Variants in GALNT7 observed in about 807,000 individuals in gnomAD.
GALNT7 encodes the protein N-acetylgalactosaminyltransferase 7.
GALNT7 carries 60 observed loss-of-function variants against 82.1 expected under a neutral mutation model. The ratio of observed to expected loss-of-function variants is 0.73; its 90% CI spans 0.59 to 0.91. The LOEUF (loss-of-function observed/expected upper bound fraction) is 0.91. Ranked by LOEUF, GALNT7 falls within the 40% of genes least tolerant of loss-of-function variation. The pLI is 0.00. For missense variants in GALNT7, 660 were observed against 804.2 expected, an observed-to-expected ratio of 0.82 and a Z score of 2.17; for synonymous variants, 243 against 275.1, an observed-to-expected ratio of 0.88 and a Z score of 1.15.
chr4:173,323,805 T>G lies in GALNT7; in HGVS notation c.*2088T>G, dbSNP rs1175232245. The G allele has an allele frequency of 6.6e-6, 1 of 152,638 alleles. No homozygotes were observed. Among genetic ancestry groups the G allele is most frequent in the Non-Finnish European group, 1.5e-5 (1 of 68,004 alleles). The allele number at this position is 152,638 out of a possible 1,614,324, so 9.5% of individuals were successfully genotyped here. On this transcript the variant is annotated 3_prime_UTR_variant, in exon 12 of 12. Coordinates refer to ENST00000265000, the MANE Select transcript of GALNT7 (RefSeq NM_017423.3). ...ATATCACTATGCATTTCTACACATT[T>G]TATAAATTTGATTTATGCAGATTTT...
rs1014256844 is a variant in GALNT7, at chr4:173,237,809, G to A, written c.127-10171G>A. Among the ~76,000 whole-genome samples the A allele has an allele frequency of 4.0e-5, 6 of 151,732 alleles. No individual in the cohort carries two copies. The South Asian group carries it at 8.3e-4, about 21-fold the overall frequency. ...GTGTGGTCTCCAGGGATTGATATTC[G>A]GAATGCTATTTTAAAATATTTTAAA... On this transcript the variant is annotated intron_variant, in intron 1 of 11. Transcript: ENST00000265000.
At chr4:173,219,337 T>G (rs553512854) in intron 1 of GALNT7, among the ~76,000 whole-genome samples, 2 of 152,264 alleles carry the variant, frequency 1.3e-5, no homozygotes, top group South Asian at 4.1e-4. Context: ...TTCCATGGTG[T>G]GTGTGTGTGT....
chr4:173,243,527 A>G (rs1445490232), intron 1 of GALNT7, among the ~76,000 whole-genome samples: 1 of 152,208 alleles, frequency 6.6e-6, no homozygotes, highest in Non-Finnish European at 1.5e-5. Flanking sequence ...ACTGATTCTC[A>G]TTCACTCTCA....
At chr4:173,243,174 T>C (rs1180459861) in intron 1 of GALNT7, among the ~76,000 whole-genome samples, 5 of 152,230 alleles carry the variant, frequency 3.3e-5, no homozygotes, top group Admixed American at 3.3e-4. Context: ...AAAGACCATT[T>C]TTCTAAATCC....
At chr4:173,197,518 A>G (rs1732814615) in intron 1 of GALNT7, among the ~76,000 whole-genome samples, 1 of 152,234 alleles carries the variant, frequency 6.6e-6, no homozygotes, top group African/African-American at 2.4e-5. Context: ...TGGTTATACT[A>G]TTGGTAATCA....
chr4:173,250,862 T>C (rs1734822648), intron 2 of GALNT7, among the ~76,000 whole-genome samples: 1 of 152,154 alleles, frequency 6.6e-6, no homozygotes, highest in African/African-American at 2.4e-5. Context: ...CCCTCCTCCA[T>C]GAATGCTTGT....
intron 1 of GALNT7, among the ~76,000 whole-genome samples, chr4:173,222,353 A>G (rs988225407): frequency 6.6e-6 from 1 of 152,070 alleles, no homozygotes; most frequent in Non-Finnish European, 1.5e-5. Flanking sequence ...GCTCACTGCA[A>G]CCTCTACCTC....
At chr4:173,194,046 A>C (rs1275708735) in intron 1 of GALNT7, among the ~76,000 whole-genome samples, 1 of 152,190 alleles carries the variant, frequency 6.6e-6, no homozygotes, top group African/African-American at 2.4e-5. Context: ...CCTATTTGTA[A>C]ATGGATTTAA....
intron 2 of GALNT7, among the ~76,000 whole-genome samples, chr4:173,259,359 T>C (rs559941075): frequency 6.6e-6 from 1 of 152,012 alleles, no homozygotes; most frequent in Non-Finnish European, 1.5e-5. Flanking sequence ...GATCTGAATA[T>C]TGTTGGTGGT....
chr4:173,183,887 C>G (rs1461628962), intron 1 of GALNT7, among the ~76,000 whole-genome samples: 1 of 151,440 alleles, frequency 6.6e-6, no homozygotes, highest in Non-Finnish European at 1.5e-5. Context: ...CCAGACGGGG[C>G]GGCTGCCGGG....
chr4:173,259,662 G>A (rs1156925581), intron 2 of GALNT7, among the ~76,000 whole-genome samples: 1 of 152,014 alleles, frequency 6.6e-6, no homozygotes, highest in South Asian at 2.1e-4. Context: ...TTGAGAGAGA[G>A]CGTCTCCCTC....
In GALNT7 at chr4:173,302,216, T is replaced by A; in HGVS notation, c.1266+52T>A. The A allele has an allele frequency of 3.5e-6, 3 of 845,860 alleles. No individual in the cohort carries two copies. The highest frequency in any genetic ancestry group is 6.1e-6 in the Non-Finnish European group (3 of 487,910). The allele number at this position is 845,860 out of a possible 1,614,324, so 52.4% of individuals were successfully genotyped here. ...TTCTCCAAGTCGTTACTAACTTCTGTGGCTTTCAGATAAAGCTAGTTTTTT... is the reference window on the plus strand; with the variant it reads ...TTCTCCAAGTCGTTACTAACTTCTGAGGCTTTCAGATAAAGCTAGTTTTTT... On this transcript the variant is annotated intron_variant, in intron 7 of 11. Transcript: ENST00000265000. This position sits in a 1 kb window ranked among gnomAD's most constrained non-coding sequence, Gnocchi z 4.2.
chr4:173,234,281 A>G (rs1734138506), intron 1 of GALNT7, among the ~76,000 whole-genome samples: 1 of 152,012 alleles, frequency 6.6e-6, no homozygotes, highest in South Asian at 2.1e-4. Context: ...TAATCTCTCC[A>G]TCACTCGTCT....
chr4:173,203,686 C>T (rs1231795407), intron 1 of GALNT7, among the ~76,000 whole-genome samples: 1 of 152,128 alleles, frequency 6.6e-6, no homozygotes, highest in Non-Finnish European at 1.5e-5. Flanking sequence ...CTAGTTATAA[C>T]AGGCTATTTT....
In GALNT7 at chr4:173,302,992, C is replaced by T. The variant is rs1039557083; in HGVS notation, c.1266+828C>T. On this transcript the variant is annotated intron_variant, in intron 7 of 11. Transcript: ENST00000265000. The surrounding 1 kb of genome is among the most constrained non-coding windows in gnomAD (Gnocchi z 4.2). The stretch of plus-strand genomic sequence containing the variant: ...TGGGCGGATCATGAGGTCAAGAGAT[C>T]GAGACCATCCTAGCCAACATGGTGA... Among the ~76,000 whole-genome samples the T allele has an allele frequency of 6.6e-6, 1 of 152,100 alleles. No individual in the cohort carries two copies. The highest frequency in any genetic ancestry group is 2.4e-5 in the African/African-American group (1 of 41,416).
At chr4:173,196,409 G>A (rs1579900847) in intron 1 of GALNT7, among the ~76,000 whole-genome samples, 1 of 152,154 alleles carries the variant, frequency 6.6e-6, no homozygotes, top group East Asian at 1.9e-4. Flanking sequence ...ACAGGTGTGA[G>A]CCACCAAGCC....
At position 173,203,308 on chromosome 4, in the gene GALNT7, G is replaced by A. The variant is rs536258644; in HGVS notation, c.126+34347G>A. Among the ~76,000 whole-genome samples, 6 of 152,238 alleles carry A rather than the reference G, an allele frequency of 3.9e-5. No individual in the cohort carries two copies. The East Asian group carries it at 9.6e-4, about 24-fold the overall frequency. On this transcript the variant is annotated intron_variant, in intron 1 of 11. Transcript: ENST00000265000. ...CGGAGTTTCACCGTTAGCCAGAATG[G>A]TCTCGATCTCCTGACTTTGTGATCC...
intron 1 of GALNT7, among the ~76,000 whole-genome samples, chr4:173,223,615 A>G (rs1309322215): frequency 1.3e-5 from 2 of 150,612 alleles, no homozygotes; most frequent in Non-Finnish European, 3.0e-5. Flanking sequence ...AAAATTTGTC[A>G]AGCTGAATGA....
At chr4:173,183,043 A>AC (rs1732314317) in intron 1 of GALNT7, among the ~76,000 whole-genome samples, 1 of 125,034 alleles carries the variant, frequency 8.0e-6, no homozygotes, top group Non-Finnish European at 1.7e-5. Context: ...CACACACATA[A>AC]ACACACACAC....
Sources: gnomAD v4.1 joint callset for allele counts (sites outside exome capture counted in the v4.1 genomes callset) on GRCh38, gnomAD v4.1.1 for gene constraint, Gnocchi (gnomAD v3.1) non-coding constraint, MANE v1.5 for transcripts, NCBI Gene and HGNC (gene_info 2026-07-23, HGNC 2026-07-21) for gene names.